PLAGL1: variants seen among roughly 807,000 people sequenced by gnomAD.
PLAGL1 encodes zinc finger protein PLAGL1.
Under a neutral mutation model 4.6 loss-of-function variants are expected in PLAGL1, and 1 was observed. The observed-to-expected ratio is 0.22, with a 90% CI of 0.08 to 1.03. The LOEUF (loss-of-function observed/expected upper bound fraction) is 1.03. Ranked by LOEUF, PLAGL1 falls within the 50% of genes least tolerant of loss-of-function variation. The pLI, the probability that PLAGL1 is intolerant of heterozygous loss-of-function variation, is 0.58. For synonymous variants in PLAGL1, 240 were observed against 237.8 expected, an observed-to-expected ratio of 1.01 and a Z score of -0.08; for missense variants, 464 against 570.4, an observed-to-expected ratio of 0.81 and a Z score of 1.90.
chr6:143,999,938 G>A (rs1426968259), intron 1 of PLAGL1, among the ~76,000 whole-genome samples: 1 of 152,064 alleles, frequency 6.6e-6, no homozygotes. Context: ...ATGGTAGACA[G>A]TTGTACCTAA....
At chr6:144,017,045 TTA>T (rs1795612320) in intron 1 of PLAGL1, among the ~76,000 whole-genome samples, 1 of 152,190 alleles carries the variant, frequency 6.6e-6, no homozygotes, top group South Asian at 2.1e-4. Flanking sequence ...AACAGCCTCA[TTA>T]TGGCATTTAC....
Position 144,056,761 on chromosome 6 carries a change from C to T in PLAGL1, c.-151+7707G>A, listed in dbSNP as rs1396759228. Among the ~76,000 whole-genome samples, 1 of 152,140 alleles carries T rather than the reference C, an allele frequency of 6.6e-6. No homozygotes were observed. The highest frequency in any genetic ancestry group is 1.5e-5 in the Non-Finnish European group (1 of 68,024). On this transcript the variant is annotated intron_variant, in intron 1 of 3. Transcript: ENST00000437412. This position sits in a 1 kb window ranked among gnomAD's most constrained non-coding sequence, Gnocchi z 4.7. ...CTCACTGTAGCCATGACCTCTTGGG[C>T]TCAAGTAATCCTCCCACATTAGCCT...
Position 144,048,486 on chromosome 6 carries a change from A to C in PLAGL1, c.-151+15982T>G, listed in dbSNP as rs915961586. On this transcript the variant is annotated intron_variant, in intron 1 of 3. Transcript: ENST00000437412. This position sits in a 1 kb window ranked among gnomAD's most constrained non-coding sequence, Gnocchi z 4.8. Reference sequence around the variant, plus strand: ...CATACATCCTTTGAAGTCTAGGCAGAGGTTCCCAAACCTTGATTCTTGACT... The same window carrying C: ...CATACATCCTTTGAAGTCTAGGCAGCGGTTCCCAAACCTTGATTCTTGACT... Among the ~76,000 whole-genome samples, 7 of 152,228 alleles carry C rather than the reference A, an allele frequency of 4.6e-5. No individual in the cohort carries two copies. Among genetic ancestry groups the C allele is most frequent in the Non-Finnish European group, 1.0e-4 (7 of 68,030 alleles).
In PLAGL1 at chr6:144,055,866, G is replaced by C. The variant is rs750583455; in HGVS notation, c.-151+8602C>G. Among the ~76,000 whole-genome samples the C allele has an allele frequency of 5.9e-5, 9 of 152,202 alleles. No homozygotes were observed. Among genetic ancestry groups the C allele is most frequent in the African/African-American group, 1.4e-4 (6 of 41,446 alleles). On this transcript the variant is annotated intron_variant, in intron 1 of 3. Transcript: ENST00000437412. This position sits in a 1 kb window ranked among gnomAD's most constrained non-coding sequence, Gnocchi z 5.0. ...TTTGGGTACTACATTCACACACACA[G>C]AGAGATTCATGTTCCACCTACATGA...
rs1789958862 is a variant in PLAGL1 at position 143,989,509 on chromosome 6, G to C, written c.-583-4335C>G. Among the ~76,000 whole-genome samples, 1 of 152,184 alleles carries C rather than the reference G, an allele frequency of 6.6e-6. No homozygotes were observed. Among genetic ancestry groups the C allele is most frequent in the African/African-American group, 2.4e-5 (1 of 41,444 alleles). The stretch of plus-strand genomic sequence containing the variant: ...CCTTTTCTTCCTGCCTGCCTGAGCT[G>C]GGACATCAGTCTCCTCCTGTCCTTG... On this transcript the variant is annotated intron_variant, in intron 1 of 7. Coordinates refer to ENST00000674357, the MANE Select transcript of PLAGL1 (RefSeq NM_001317162.2). This position sits in a 1 kb window ranked among gnomAD's most constrained non-coding sequence, Gnocchi z 4.8.
chr6:144,058,124 C>T (rs985141237), intron 1 of PLAGL1, among the ~76,000 whole-genome samples: 1 of 152,142 alleles, frequency 6.6e-6, no homozygotes, highest in Admixed American at 6.5e-5. Flanking sequence ...GTAGGCTGTA[C>T]AAGAAGCATG....
At chr6:144,045,598 T>C (rs1798081441) in intron 1 of PLAGL1, among the ~76,000 whole-genome samples, 1 of 152,232 alleles carries the variant, frequency 6.6e-6, no homozygotes, top group African/African-American at 2.4e-5. Flanking sequence ...TAACCCGACC[T>C]TTCTCTCTGG....
At chr6:144,041,428 C>T (rs552229178) in intron 1 of PLAGL1, among the ~76,000 whole-genome samples, 88 of 151,924 alleles carry the variant, frequency 5.8e-4, no homozygotes, top group African/African-American at 1.9e-3. Context: ...TGAGAACATG[C>T]GGTGTTTGGT....
At chr6:144,037,941 G>A (rs1359169124) in intron 1 of PLAGL1, among the ~76,000 whole-genome samples, 5 of 152,088 alleles carry the variant, frequency 3.3e-5, no homozygotes, top group African/African-American at 4.8e-5. Flanking sequence ...AGCGCTTGTC[G>A]CCAATAAATG....
At chr6:143,988,913 C>A (rs1168325750) in intron 1 of PLAGL1, among the ~76,000 whole-genome samples, 2 of 152,154 alleles carry the variant, frequency 1.3e-5, no homozygotes, top group Non-Finnish European at 2.9e-5. Flanking sequence ...ATTAGGGTTT[C>A]AACACATGGC....
At chr6:143,946,188 C>T (rs1181092338) in intron 7 of PLAGL1, among the ~76,000 whole-genome samples, 1 of 152,260 alleles carries the variant, frequency 6.6e-6, no homozygotes, top group African/African-American at 2.4e-5. Context: ...TTTCAATCTG[C>T]ATCTGGTTGA....
chr6:143,982,366 G>T lies in PLAGL1; in HGVS notation c.-544+2769C>A, dbSNP rs1788148483. ...ACTCGATGCAGAAACAAGAAAACTG[G>T]TATGGCTAAAGCAGTCAGTGAAGGG... is the stretch of plus-strand genomic sequence containing the variant. On this transcript the variant is annotated intron_variant, in intron 2 of 7. Transcript: ENST00000674357. This position sits in a 1 kb window ranked among gnomAD's most constrained non-coding sequence, Gnocchi z 5.3. Among the ~76,000 whole-genome samples, 1 of 152,094 alleles carries T rather than the reference G, an allele frequency of 6.6e-6. No homozygotes were observed. Among genetic ancestry groups the T allele is most frequent in the Admixed American group, 6.6e-5 (1 of 15,262 alleles).
intron 1 of PLAGL1, among the ~76,000 whole-genome samples, chr6:144,058,752 ATC>A (rs1290669791): frequency 6.6e-6 from 1 of 152,174 alleles, no homozygotes; most frequent in Non-Finnish European, 1.5e-5. Context: ...CTCGGAAATT[ATC>A]TTTTTTGACT....
rs59729509 is a variant in PLAGL1, at chr6:144,055,167, GCATATCCACAGATATT to G, written c.-151+9285_-151+9300del. ...AGAAATGTCTAATGAGCACGGAGAG[GCATATCCACAGATATT>G]CATATCCACAGATATTCATGAAAAC... On this transcript the variant is annotated intron_variant, in intron 1 of 3. Transcript: ENST00000437412. This position sits in a 1 kb window ranked among gnomAD's most constrained non-coding sequence, Gnocchi z 5.0. 0.17 allele frequency among the ~76,000 whole-genome samples: 26,131 copies of G among 151,994 alleles called. 2,589 individuals are homozygous for G. The highest frequency in any genetic ancestry group is 0.27 in the Middle Eastern group (80 of 294).
rs963403928 is a variant in PLAGL1, at chr6:143,983,405, G to A, written c.-544+1730C>T. On this transcript the variant is annotated intron_variant, in intron 2 of 7. Transcript: ENST00000674357. This position sits in a 1 kb window ranked among gnomAD's most constrained non-coding sequence, Gnocchi z 6.6. ...GAGTTAAATAATTTTTTTAAGTAAA[G>A]CAGGGAGGTGGGAATGCATGATGCA... Among the ~76,000 whole-genome samples, 20 of 152,168 alleles carry A rather than the reference G, an allele frequency of 1.3e-4. No homozygotes were observed. The highest frequency in any genetic ancestry group is 1.3e-3 in the Admixed American group (20 of 15,260).
At chr6:144,024,364 G>A (rs947535636) in intron 1 of PLAGL1, among the ~76,000 whole-genome samples, 1 of 152,180 alleles carries the variant, frequency 6.6e-6, no homozygotes, top group African/African-American at 2.4e-5. Flanking sequence ...ATCTCACCTT[G>A]AATTGTAATA....
At chr6:144,011,747 G>T (rs972102093), upstream of PLAGL1, among the ~76,000 whole-genome samples, 7 of 152,194 alleles carry the variant, frequency 4.6e-5, no homozygotes, top group Non-Finnish European at 8.8e-5. This position sits in a 1 kb window ranked among gnomAD's most constrained non-coding sequence, Gnocchi z 4.3. Context: ...TATAAAGCTT[G>T]CTGGAGGAAC....
chr6:143,966,196 C>T lies in PLAGL1; in HGVS notation c.-469G>A, dbSNP rs894614373. 2 of 152,058 alleles carry T rather than the reference C, an allele frequency of 1.3e-5. No individual in the cohort carries two copies. Among genetic ancestry groups the T allele is most frequent in the Non-Finnish European group, 1.5e-5 (1 of 68,032 alleles). The allele number at this position is 152,058 out of a possible 1,614,324, so 9.4% of individuals were successfully genotyped here. On this transcript the variant is annotated splice_region_variant and 5_prime_UTR_variant, in exon 4 of 8. Transcript: ENST00000674357. The surrounding 1 kb of genome is among the most constrained non-coding windows in gnomAD (Gnocchi z 6.0). ...TTCAATGGTCCCATTAGGTTTCTGTCGACTGCAACGAAAAGTCTTGTCTAA... is the reference window on the plus strand; with the variant it reads ...TTCAATGGTCCCATTAGGTTTCTGTTGACTGCAACGAAAAGTCTTGTCTAA...
chr6:144,049,036 C>T (rs1467033405), intron 1 of PLAGL1, among the ~76,000 whole-genome samples: 2 of 152,136 alleles, frequency 1.3e-5, no homozygotes, highest in African/African-American at 4.8e-5. Flanking sequence ...TGCCAGTTAC[C>T]CTAAATAATC....
Sources: gnomAD v4.1 joint callset for allele counts (sites outside exome capture counted in the v4.1 genomes callset) on GRCh38, gnomAD v4.1.1 for gene constraint, Gnocchi (gnomAD v3.1) non-coding constraint, MANE v1.5 for transcripts, NCBI Gene and HGNC (gene_info 2026-07-23, HGNC 2026-07-21) for gene names.